The following ADAM10 variants were observed in gnomAD, a reference collection of about 807,000 sequenced individuals.
ADAM10 encodes the protein ADAM metallopeptidase domain 10.
A neutral mutation model predicts 90.1 loss-of-function variants in ADAM10; 17 were observed. The ratio of observed to expected loss-of-function variants is 0.19; its 90% confidence interval spans 0.13 to 0.28. The LOEUF is 0.28. Among genes scored for constraint, ADAM10 ranks in the 10% least tolerant of loss-of-function variants. The pLI is 1.00. For synonymous variants in ADAM10, 310 were observed against 298.6 expected (o/e 1.04, Z -0.40); for missense variants, 610 against 914.3 (o/e 0.67, Z 4.29).
Position 58,611,990 on chromosome 15 carries a change from G to A in ADAM10, c.1513C>T (p.Pro505Ser). 8 of 1,613,962 alleles carry A rather than the reference G, an allele frequency of 5.0e-6. No homozygotes were observed. The highest frequency in any genetic ancestry group is 6.8e-6 in the Non-Finnish European group (8 of 1,179,914). Residue 505 changes from proline to serine, a missense_variant and splice_region_variant, in exon 12 of 16, where the codon CCA becomes TCA. Coordinates refer to ENST00000260408, the MANE Select transcript of ADAM10 (RefSeq NM_001110.4). ...CKLKPGKQCS[P>S]SQGPCCTAQC... Reference sequence around the variant, plus strand: ...GCTGTACAACAAGGACCTTGACTTGGACTAGAGGAAACATTAAGTGATTAA... The same window carrying A: ...GCTGTACAACAAGGACCTTGACTTGAACTAGAGGAAACATTAAGTGATTAA...
chr15:58,697,020 G>A (rs180948212), intron 2 of ADAM10, among the ~76,000 whole-genome samples: 37 of 152,158 alleles, frequency 2.4e-4, no homozygotes, highest in African/African-American at 8.2e-4. Context: ...CTGCCCCCAA[G>A]CCAAAGTGTA....
chr15:58,662,686 A>T (rs1896997541), intron 5 of ADAM10, among the ~76,000 whole-genome samples: 1 of 152,132 alleles, frequency 6.6e-6, no homozygotes, highest in Non-Finnish European at 1.5e-5. Context: ...CACAGAGTCC[A>T]GGTAGTTTTT....
chr15:58,654,250 T>C (rs968168368), intron 5 of ADAM10, among the ~76,000 whole-genome samples: 5 of 152,218 alleles, frequency 3.3e-5, no homozygotes, highest in African/African-American at 1.2e-4. Context: ...AATTTCGGGT[T>C]TGGTTTGCTC....
intron 14 of ADAM10, among the ~76,000 whole-genome samples, chr15:58,604,502 T>C (rs1364997318): frequency 1.3e-5 from 2 of 152,208 alleles, no homozygotes; most frequent in African/African-American, 2.4e-5. Context: ...CAAACTGACC[T>C]GTGAGCTCCC....
At chr15:58,607,867 A>G (rs1895321327) in intron 14 of ADAM10, among the ~76,000 whole-genome samples, 1 of 152,168 alleles carries the variant, frequency 6.6e-6, no homozygotes, top group African/African-American at 2.4e-5. Flanking sequence ...AAATCAGAAC[A>G]CATCAACTAT....
At chr15:58,612,085 G>A in intron 11 of ADAM10, 94 bp from the exon 12 acceptor site, 2 of 1,244,322 alleles carry the variant, frequency 1.6e-6, no homozygotes, top group Non-Finnish European at 2.3e-6. Context: ...ATTAGACATA[G>A]TACCAATTTT....
chr15:58,647,110 G>A (rs1259739106), intron 5 of ADAM10, among the ~76,000 whole-genome samples: 2 of 151,914 alleles, frequency 1.3e-5, no homozygotes, highest in Non-Finnish European at 2.9e-5. Context: ...ATTTATTTGT[G>A]GGATTATTTA....
At chr15:58,599,543 A>C (rs1017378142) in intron 15 of ADAM10, 55 bp downstream of exon 15, 5 of 1,581,506 alleles carry the variant, frequency 3.2e-6, no homozygotes, top group Non-Finnish European at 4.3e-6. Context: ...ATTCAATTCT[A>C]CCTGCTAAAC....
Position 58,717,564 on chromosome 15 carries a change from TAA to T in ADAM10, c.206+11_206+12del. 6.2e-7 allele frequency: 1 copy of T among 1,613,788 alleles called. No homozygotes were observed. The highest frequency in any genetic ancestry group is 8.5e-7 in the Non-Finnish European group (1 of 1,179,866). Reference sequence around the variant, plus strand: ...GAGGAACTTCAGACACAGTCAGCAATAAATTTACTTACCTTCCATGGGCATGG... The same window carrying T: ...GAGGAACTTCAGACACAGTCAGCAATATTTACTTACCTTCCATGGGCATGG... On this transcript the variant is annotated intron_variant, in intron 2 of 15. Coordinates refer to ENST00000260408, the MANE Select transcript of ADAM10 (RefSeq NM_001110.4).
intron 10 of ADAM10, among the ~76,000 whole-genome samples, chr15:58,623,982 T>TA (rs34638861): frequency 0.29 from 39,806 of 137,238 alleles, 5,825 homozygotes; most frequent in East Asian, 0.58. Flanking sequence ...AAGTGAAATT[T>TA]AAAAAAAAAA....
At chr15:58,648,125 A>G (rs923703143) in intron 5 of ADAM10, among the ~76,000 whole-genome samples, 1 of 152,254 alleles carries the variant, frequency 6.6e-6, no homozygotes, top group African/African-American at 2.4e-5. Context: ...GCTTCACTAT[A>G]GTAACCATTT....
chr15:58,707,012 A>AAC (rs1387199390), intron 2 of ADAM10, among the ~76,000 whole-genome samples: 1 of 149,666 alleles, frequency 6.7e-6, no homozygotes, highest in East Asian at 2.0e-4. Flanking sequence ...CCATCTCAAA[A>AAC]AAAAAAAAAA....
chr15:58,643,147 G>GA (rs1212277683), intron 7 of ADAM10, among the ~76,000 whole-genome samples: 21 of 151,838 alleles, frequency 1.4e-4, no homozygotes, highest in African/African-American at 4.8e-4. Context: ...AGAATATTCA[G>GA]AAATCTTTTG....
At chr15:58,745,272 A>G (rs1357128422) in intron 1 of ADAM10, among the ~76,000 whole-genome samples, 1 of 152,260 alleles carries the variant, frequency 6.6e-6, no homozygotes, top group Non-Finnish European at 1.5e-5. Flanking sequence ...AGGAAAATGT[A>G]GCTAATTGCT....
At chr15:58,625,191 C>A (rs145625827) in intron 10 of ADAM10, among the ~76,000 whole-genome samples, 1 of 151,962 alleles carries the variant, frequency 6.6e-6, no homozygotes, top group South Asian at 2.1e-4. Flanking sequence ...TTTTGCTCCA[C>A]GAAAGAACTG....
chr15:58,706,399 T>G (rs530108451), intron 2 of ADAM10, among the ~76,000 whole-genome samples: 5 of 152,314 alleles, frequency 3.3e-5, no homozygotes, highest in African/African-American at 1.2e-4. Context: ...GCATTTCTGA[T>G]GTTTCCAGAT....
At position 58,698,326 on chromosome 15, in the gene ADAM10, C is replaced by G. The variant is rs370879928; in HGVS notation, c.207-16012G>C. On this transcript the variant is annotated intron_variant, in intron 2 of 15. Transcript: ENST00000260408. ...TAGGCTCACATCTGTAATCCCAGCACTGTGGGAGGCTGAGGCAGGTGGATC... is the reference window on the plus strand; with the variant it reads ...TAGGCTCACATCTGTAATCCCAGCAGTGTGGGAGGCTGAGGCAGGTGGATC... 39 of 439,986 alleles carry G rather than the reference C, an allele frequency of 8.9e-5. No homozygotes were observed. In the East Asian group the frequency reaches 1.3e-3, roughly 15 times the overall value. 27.3% of individuals were successfully genotyped at this position (439,986 alleles called of 1,614,324 possible). A position where few individuals can be genotyped will look rare whatever the true frequency, so the allele number is the denominator to read the frequency against.
At chr15:58,608,856 T>A (rs186869417) in intron 14 of ADAM10, among the ~76,000 whole-genome samples, 86 of 152,320 alleles carry the variant, frequency 5.6e-4, no homozygotes, top group African/African-American at 1.9e-3. Flanking sequence ...ATGCTATGTT[T>A]AGATATGACT....
At position 58,658,387 on chromosome 15, in the gene ADAM10, T is replaced by C. The variant is rs529568548; in HGVS notation, c.585+6710A>G. 1.1e-4 allele frequency among the ~76,000 whole-genome samples: 17 copies of C among 152,346 alleles called. No individual in the cohort carries two copies. In the South Asian group the frequency reaches 3.3e-3, roughly 30 times the overall value. Reference sequence around the variant, plus strand: ...ACCCTTAGGTCAAGATGACACTATCTTGATTACTGTAACTTTATACTAAGT... The same window carrying C: ...ACCCTTAGGTCAAGATGACACTATCCTGATTACTGTAACTTTATACTAAGT... On this transcript the variant is annotated intron_variant, in intron 5 of 15. Transcript: ENST00000260408.
Sources: gnomAD v4.1 joint callset for allele counts (sites outside exome capture counted in the v4.1 genomes callset) on GRCh38, gnomAD v4.1.1 for gene constraint, MANE v1.5 for transcripts, NCBI Gene and HGNC (gene_info 2026-07-23, HGNC 2026-07-21) for gene names.